The following VPS53 variants were observed in gnomAD, a reference collection of about 807,000 sequenced individuals.
VPS53 encodes VPS53 subunit of GARP complex, also known as vacuolar protein sorting-associated protein 53 homolog.
A neutral mutation model predicts 107.0 loss-of-function variants in VPS53; 70 were observed. The observed-to-expected ratio is 0.65, with a 90% CI of 0.54 to 0.80. The LOEUF is 0.80. Among genes scored for constraint, VPS53 ranks in the 30% least tolerant of loss-of-function variants. The pLI is 0.00. For missense variants in VPS53, 917 were observed against 1,049.4 expected (o/e 0.87, Z 1.74); for synonymous variants, 409 against 393.3 (o/e 1.04, Z -0.47).
intron 11 of VPS53, among the ~76,000 whole-genome samples, chr17:620,310 C>T (rs553702123): frequency 1.6e-4 from 24 of 152,306 alleles, no homozygotes; most frequent in African/African-American, 5.3e-4. Context: ...AAGACCAGCC[C>T]GATTCACCCG....
chr17:565,999 C>T (rs1347894291), intron 13 of VPS53, among the ~76,000 whole-genome samples: 2 of 151,914 alleles, frequency 1.3e-5, no homozygotes, highest in Admixed American at 6.6e-5. Flanking sequence ...GTCAGGAGAT[C>T]GAGACCATCC....
chr17:578,922 A>G (rs1914908408), intron 13 of VPS53, among the ~76,000 whole-genome samples: 1 of 148,738 alleles, frequency 6.7e-6, no homozygotes, highest in African/African-American at 2.5e-5. Context: ...GCGTTTGTAG[A>G]GAACTTCCTT....
intron 17 of VPS53, among the ~76,000 whole-genome samples, chr17:548,887 T>C (rs1911547958): frequency 6.6e-6 from 1 of 152,226 alleles, no homozygotes; most frequent in South Asian, 2.1e-4. Context: ...AATTTCGCCC[T>C]CATCTGTTTC....
chr17:565,727 T>C (rs1227474832), intron 13 of VPS53, among the ~76,000 whole-genome samples: 2 of 152,090 alleles, frequency 1.3e-5, no homozygotes, highest in East Asian at 3.9e-4. Flanking sequence ...ACGGCTCCCC[T>C]GCTGGCCTAC....
chr17:663,326 A>G (rs926203447), intron 4 of VPS53, among the ~76,000 whole-genome samples: 2 of 152,254 alleles, frequency 1.3e-5, no homozygotes, highest in Admixed American at 6.5e-5. Context: ...AGGGGAAGCA[A>G]CATGAGGGCA....
intron 7 of VPS53, among the ~76,000 whole-genome samples, chr17:639,022 G>A (rs1425715939): frequency 6.6e-6 from 1 of 152,174 alleles, no homozygotes; most frequent in Non-Finnish European, 1.5e-5. Context: ...TTTCCAACTT[G>A]GTTCCATTCT....
chr17:570,592 T>A (rs144254290), intron 13 of VPS53, among the ~76,000 whole-genome samples: 12 of 152,226 alleles, frequency 7.9e-5, no homozygotes, highest in African/African-American at 2.6e-4. Flanking sequence ...AAAGAAAGAC[T>A]CAATTAGTCT....
At position 519,351 on chromosome 17, in the gene VPS53, ACGGGG is replaced by A; in HGVS notation, c.2329-58_2329-54del. The A allele has an allele frequency of 7.0e-7, 1 of 1,438,474 alleles. No homozygotes were observed. Among genetic ancestry groups the A allele is most frequent in the East Asian group, 2.6e-5 (1 of 39,000 alleles). 89.1% of individuals were successfully genotyped at this position (1,438,474 alleles called of 1,614,324 possible). A position where few individuals can be genotyped will look rare whatever the true frequency, so the allele number is the denominator to read the frequency against. ...CACGAAGTCTGGGCCAGAATGGCCC[ACGGGG>A]GACAGCGCAGTATCTGGATATGGGG... On this transcript the variant is annotated intron_variant, in intron 21 of 21. Transcript: ENST00000437048. The surrounding 1 kb of genome is among the most constrained non-coding windows in gnomAD (Gnocchi z 5.0).
chr17:632,714 G>A, intron 7 of VPS53: 1 of 456,308 alleles, frequency 2.2e-6, no homozygotes, highest in Non-Finnish European at 4.4e-6. Context: ...CTATCTCCAT[G>A]AGTTTACTTT....
At chr17:615,519 G>T (rs1969096295) in intron 11 of VPS53, among the ~76,000 whole-genome samples, 1 of 152,136 alleles carries the variant, frequency 6.6e-6, no homozygotes, top group African/African-American at 2.4e-5. Context: ...GGTAGGGTGG[G>T]GATGACGTAC....
At chr17:620,444 G>A (rs1969421077) in intron 11 of VPS53, among the ~76,000 whole-genome samples, 1 of 152,194 alleles carries the variant, frequency 6.6e-6, no homozygotes, top group Non-Finnish European at 1.5e-5. Flanking sequence ...ACAAGTGAGT[G>A]GGACTCCAGG....
intron 17 of VPS53, among the ~76,000 whole-genome samples, chr17:549,352 T>C (rs1911596245): frequency 6.6e-6 from 1 of 152,168 alleles, no homozygotes; most frequent in Non-Finnish European, 1.5e-5. Flanking sequence ...TCCAGAAGAC[T>C]CAGACAAAAA....
At chr17:708,923 T>C (rs1196613971) in intron 2 of VPS53, among the ~76,000 whole-genome samples, 1 of 152,240 alleles carries the variant, frequency 6.6e-6, no homozygotes, top group Non-Finnish European at 1.5e-5. Context: ...TGGAACAGGT[T>C]GTGCCTTCAG....
chr17:682,253 C>A (rs1397046019), intron 4 of VPS53, among the ~76,000 whole-genome samples: 2 of 152,090 alleles, frequency 1.3e-5, no homozygotes, highest in African/African-American at 4.8e-5. Flanking sequence ...AATTAATGAA[C>A]TTGCCATACT....
intron 5 of VPS53, chr17:656,696 A>G: frequency 1.9e-6 from 1 of 537,274 alleles, no homozygotes; most frequent in Non-Finnish European, 3.1e-6. Flanking sequence ...ATGCTGACTA[A>G]GAAATGTGTG....
At chr17:659,283 A>T (rs527441540) in intron 5 of VPS53, among the ~76,000 whole-genome samples, 13 of 151,858 alleles carry the variant, frequency 8.6e-5, no homozygotes, top group East Asian at 7.7e-4. Flanking sequence ...TTATTTATTT[A>T]TTTATTTTTT....
intron 13 of VPS53, among the ~76,000 whole-genome samples, chr17:579,326 T>C (rs138678730): frequency 9.4e-5 from 14 of 148,590 alleles, no homozygotes; most frequent in Non-Finnish European, 1.9e-4. Flanking sequence ...CCTCAGAATT[T>C]AATGCGTTCC....
intron 9 of VPS53, 81 bp from the exon 10 acceptor site, chr17:627,397 G>A: frequency 6.7e-7 from 1 of 1,489,666 alleles, no homozygotes; most frequent in Non-Finnish European, 9.0e-7. Flanking sequence ...AAAACACAGA[G>A]CCAAGCAAAA....
chr17:553,962 G>A (rs1030690925), intron 15 of VPS53, among the ~76,000 whole-genome samples: 1 of 152,162 alleles, frequency 6.6e-6, no homozygotes, highest in Admixed American at 6.5e-5. Flanking sequence ...GATAGAAGTG[G>A]TAGGGCCAGG....
Sources: allele counts gnomAD v4.1 joint callset (sites outside exome capture counted in the v4.1 genomes callset), GRCh38; gene constraint gnomAD v4.1.1; non-coding constraint Gnocchi (gnomAD v3.1); transcripts MANE v1.5; gene names NCBI Gene and HGNC (gene_info 2026-07-23, HGNC 2026-07-21).